PCMT1: variants seen among roughly 807,000 people sequenced by gnomAD.
The protein encoded by PCMT1 is protein-L-isoaspartate (D-aspartate) O-methyltransferase.
A neutral mutation model predicts 29.2 loss-of-function variants in PCMT1; 9 were observed. The observed-to-expected ratio is 0.31, with a 90% confidence interval of 0.19 to 0.54. PCMT1 has a LOEUF of 0.54. Ranked by LOEUF, PCMT1 falls within the 20% of genes least tolerant of loss-of-function variation. The pLI is 0.95. For missense variants in PCMT1, 184 were observed against 282.2 expected (o/e 0.65, Z 2.49); for synonymous variants, 98 against 97.5 (o/e 1.00, Z -0.03).
At chr6:149,761,140 G>A (rs1786722603) in intron 1 of PCMT1, among the ~76,000 whole-genome samples, 1 of 150,870 alleles carries the variant, frequency 6.6e-6, no homozygotes, top group Admixed American at 6.6e-5. Flanking sequence ...CTTGGCAGGA[G>A]GTCAGCAGAT....
In PCMT1 at chr6:149,798,502, A is replaced by G. The variant is rs201967042; in HGVS notation, c.504+2002A>G. ...GCAAGTATTATAGGGGTATGTATAC[A>G]TCTGATTTAAGATAGATGTACTGAA... On this transcript the variant is annotated intron_variant, in intron 6 of 7. Coordinates refer to ENST00000464889, the MANE Select transcript of PCMT1 (RefSeq NM_001360452.2). 7.2e-5 allele frequency among the ~76,000 whole-genome samples: 11 copies of G among 152,350 alleles called. No homozygotes were observed. The East Asian group carries it at 2.1e-3, about 29-fold the overall frequency.
intron 5 of PCMT1, among the ~76,000 whole-genome samples, chr6:149,794,447 G>A (rs1236664584): frequency 2.0e-5 from 3 of 152,036 alleles, no homozygotes; most frequent in Non-Finnish European, 2.9e-5. Context: ...GTGAAACTCC[G>A]TCTCTACTAA....
At chr6:149,776,093 A>G (rs1787553339) in intron 3 of PCMT1, among the ~76,000 whole-genome samples, 1 of 152,076 alleles carries the variant, frequency 6.6e-6, no homozygotes, top group Non-Finnish European at 1.5e-5. Context: ...CGGGAGGCAG[A>G]GGTTGCGTTG....
chr6:149,763,297 T>A (rs201290122), intron 1 of PCMT1, among the ~76,000 whole-genome samples: 1,219 of 82,748 alleles, frequency 0.015, 250 homozygotes, highest in Non-Finnish European at 0.019. Context: ...CTATGATATA[T>A]ATATCTATGA....
chr6:149,757,468 T>C (rs539794399), intron 1 of PCMT1, among the ~76,000 whole-genome samples: 2 of 152,262 alleles, frequency 1.3e-5, no homozygotes, highest in Non-Finnish European at 2.9e-5. Context: ...CTAAAGATTA[T>C]TGGATAAGAG....
chr6:149,779,414 G>A (rs940647658), intron 3 of PCMT1, among the ~76,000 whole-genome samples: 8 of 152,054 alleles, frequency 5.3e-5, no homozygotes, highest in Non-Finnish European at 1.0e-4. Context: ...GTCCGACTGC[G>A]CCAGTGATCA....
chr6:149,783,433 CAT>C (rs1416159602), intron 3 of PCMT1, among the ~76,000 whole-genome samples: 1 of 152,086 alleles, frequency 6.6e-6, no homozygotes, highest in Non-Finnish European at 1.5e-5. Flanking sequence ...ACCCGTCCCA[CAT>C]GTTATTAATT....
At chr6:149,802,631 T>G (rs567712796) in intron 7 of PCMT1, 98 of 458,320 alleles carry the variant, frequency 2.1e-4, no homozygotes, top group Admixed American at 5.9e-4. Context: ...TTGTTTGTTT[T>G]TTTTTTAGAG....
intron 3 of PCMT1, among the ~76,000 whole-genome samples, chr6:149,777,196 A>G (rs1260987374): frequency 2.6e-5 from 4 of 152,188 alleles, no homozygotes; most frequent in African/African-American, 4.8e-5. Flanking sequence ...CCTACCTTAA[A>G]TGTGCTCAGA....
intron 6 of PCMT1, 135 bp from the exon 7 acceptor site, chr6:149,802,065 G>C: frequency 2.0e-6 from 1 of 505,704 alleles, no homozygotes; most frequent in Non-Finnish European, 3.4e-6. Flanking sequence ...GGAGGCAGAG[G>C]TTGCAGTGAG....
At position 149,802,191 on chromosome 6, in the gene PCMT1, TTC is replaced by T; in HGVS notation, c.505-7_505-6del. 1.3e-6 allele frequency: 2 copies of T among 1,547,018 alleles called. No individual in the cohort carries two copies. Among genetic ancestry groups the T allele is most frequent in the Non-Finnish European group, 1.7e-6 (2 of 1,147,304 alleles). ...TGGTGATGTATGTGCTTTTTTTTTT[TTC>T]TTTTAGCTAATAGATCAGTTAAAGC... On this transcript the variant is annotated splice_region_variant and splice_polypyrimidine_tract_variant and intron_variant, in intron 6 of 7. Coordinates refer to ENST00000464889, the MANE Select transcript of PCMT1 (RefSeq NM_001360452.2).
chr6:149,757,698 GTT>G (rs1243049838), intron 1 of PCMT1, among the ~76,000 whole-genome samples: 2 of 152,106 alleles, frequency 1.3e-5, no homozygotes, highest in African/African-American at 4.8e-5. Context: ...TTGAAAAAGT[GTT>G]TTCTGTCACC....
rs1269171188 is a variant in PCMT1, at chr6:149,762,908, CTATGATATATATATCTATGATATA to C, written c.56-8230_56-8207del. On this transcript the variant is annotated intron_variant, in intron 1 of 7. Transcript: ENST00000464889. Reference sequence around the variant, plus strand: ...TGTTATATATATCTATGATATATATCTATGATATATATATCTATGATATATATGATATATATATCTATGATATGT... The same window carrying C: ...TGTTATATATATCTATGATATATATCTATGATATATATATCTATGATATGT... 4.1e-4 allele frequency among the ~76,000 whole-genome samples: 20 copies of C among 48,584 alleles called. 1 individual carries two copies. The highest frequency in any genetic ancestry group is 1.8e-3 in the South Asian group (3 of 1,656). The allele number at this position is 48,584 out of a possible 152,430, so 31.9% of individuals were successfully genotyped here. A position where few individuals can be genotyped will look rare whatever the true frequency, so the allele number is the denominator to read the frequency against.
At chr6:149,766,127 C>G (rs1787074069) in intron 1 of PCMT1, among the ~76,000 whole-genome samples, 1 of 151,788 alleles carries the variant, frequency 6.6e-6, no homozygotes, top group South Asian at 2.1e-4. Context: ...TCTACTTTGT[C>G]AGAACATGTA....
At chr6:149,771,020 G>T (rs1466924665) in intron 1 of PCMT1, 142 bp from the exon 2 acceptor site, 3 of 487,764 alleles carry the variant, frequency 6.2e-6, no homozygotes, top group Non-Finnish European at 1.1e-5. Context: ...AAGAAACCAG[G>T]TTGCCATTAC....
rs1776144552 is a variant in PCMT1, at chr6:149,811,033, C to G, written c.*455C>G. On this transcript the variant is annotated 3_prime_UTR_variant, in exon 8 of 8. Transcript: ENST00000464889. Reference sequence around the variant, plus strand: ...ACACCACCATTCACAAGTTAAGATTCTTGGTATTTGGATATCTGTTAGATG... The same window carrying G: ...ACACCACCATTCACAAGTTAAGATTGTTGGTATTTGGATATCTGTTAGATG... 1 of 160,692 alleles carries G rather than the reference C, an allele frequency of 6.2e-6. No individual in the cohort carries two copies. Among genetic ancestry groups the G allele is most frequent in the African/African-American group, 2.4e-5 (1 of 41,640 alleles). 10.0% of individuals were successfully genotyped at this position (160,692 alleles called of 1,614,324 possible).
chr6:149,772,877 C>T (rs531926929), intron 2 of PCMT1, among the ~76,000 whole-genome samples: 6 of 151,882 alleles, frequency 4.0e-5, no homozygotes, highest in South Asian at 2.1e-4. Flanking sequence ...ATTAGCCGGG[C>T]GTGGTGGTGG....
At chr6:149,770,978 G>A (rs1212944110) in intron 1 of PCMT1, among the ~76,000 whole-genome samples, 184 bp from the exon 2 acceptor site, 2 of 151,758 alleles carry the variant, frequency 1.3e-5, no homozygotes, top group African/African-American at 2.4e-5. Flanking sequence ...CAGCCTGGGC[G>A]ACAGAGCGAG....
intron 3 of PCMT1, among the ~76,000 whole-genome samples, chr6:149,780,916 A>C (rs1787787522): frequency 6.6e-6 from 1 of 152,106 alleles, no homozygotes; most frequent in Non-Finnish European, 1.5e-5. Flanking sequence ...CATTTTGTGG[A>C]ATGGCCAAAC....
Sources: gnomAD v4.1 joint callset for allele counts (sites outside exome capture counted in the v4.1 genomes callset) on GRCh38, gnomAD v4.1.1 for gene constraint, MANE v1.5 for transcripts, NCBI Gene and HGNC (gene_info 2026-07-23, HGNC 2026-07-21) for gene names.